The following MSRB3 variants were observed in gnomAD, a reference collection of about 807,000 sequenced individuals.
MSRB3 encodes methionine sulfoxide reductase B3.
In MSRB3, 13 loss-of-function variants were observed where a neutral mutation model predicts 21.0. That is an observed-to-expected ratio of 0.62 (90% CI 0.40 to 0.98). MSRB3 has a LOEUF of 0.98. MSRB3 is among the 50% of genes least tolerant of loss of function. The pLI, the probability that MSRB3 is intolerant of heterozygous loss-of-function variation, is 0.00. For synonymous variants in MSRB3, 87 were observed against 88.6 expected (o/e 0.98, Z 0.10); for missense variants, 199 against 230.3 (o/e 0.86, Z 0.88).
chr12:65,366,513 C>T (rs1878023790), intron 4 of MSRB3, among the ~76,000 whole-genome samples: 1 of 151,936 alleles, frequency 6.6e-6, no homozygotes, highest in African/African-American at 2.4e-5. Flanking sequence ...ATTGGTGGAT[C>T]TAAAGGGAAG....
chr12:65,325,364 G>A (rs1874947692), intron 2 of MSRB3, among the ~76,000 whole-genome samples: 2 of 152,338 alleles, frequency 1.3e-5, no homozygotes, highest in Admixed American at 1.3e-4. Context: ...GCAGGCCAGG[G>A]AAGGGCTGAA....
At chr12:65,434,119 C>CT (rs1482680586) in intron 5 of MSRB3, among the ~76,000 whole-genome samples, 2 of 151,876 alleles carry the variant, frequency 1.3e-5, no homozygotes, top group South Asian at 4.2e-4. Flanking sequence ...TCCATTTTTT[C>CT]TTTTTTTGAA....
intron 5 of MSRB3, among the ~76,000 whole-genome samples, chr12:65,416,161 A>G (rs1402434549): frequency 6.6e-6 from 1 of 152,210 alleles, no homozygotes; most frequent in Non-Finnish European, 1.5e-5. Flanking sequence ...AAGGAAGCCA[A>G]TCCTTTGGTA....
At chr12:65,373,910 G>A (rs558728689) in intron 5 of MSRB3, among the ~76,000 whole-genome samples, 8 of 152,122 alleles carry the variant, frequency 5.3e-5, no homozygotes, top group African/African-American at 1.9e-4. Flanking sequence ...GGAAATCAAA[G>A]AACACAATCA....
At chr12:65,406,541 G>A (rs973468314) in intron 5 of MSRB3, among the ~76,000 whole-genome samples, 2 of 152,158 alleles carry the variant, frequency 1.3e-5, no homozygotes, top group African/African-American at 4.8e-5. Context: ...TCAATGCAAT[G>A]TCTTTCAAAA....
Position 65,355,694 on chromosome 12 carries a change from G to T in MSRB3, c.264-13304G>T, listed in dbSNP as rs374731772. 4.4e-4 allele frequency among the ~76,000 whole-genome samples: 67 copies of T among 151,856 alleles called. No homozygotes were observed. The South Asian group carries it at 0.014, about 32-fold the overall frequency. ...GTCGCATGACTCATAGTCTGCATAA[G>T]CATAAATTAACTCCAGTACCTCTGT... On this transcript the variant is annotated intron_variant, in intron 4 of 6. Coordinates refer to ENST00000308259, the MANE Select transcript of MSRB3 (RefSeq NM_001031679.3).
chr12:65,314,432 A>G (rs762248200), intron 2 of MSRB3, among the ~76,000 whole-genome samples: 2 of 152,132 alleles, frequency 1.3e-5, no homozygotes, highest in Non-Finnish European at 2.9e-5. Context: ...TGTTGATTAA[A>G]TGAGTACTCT....
intron 5 of MSRB3, among the ~76,000 whole-genome samples, chr12:65,383,013 A>G (rs1230946444): frequency 6.6e-6 from 1 of 152,106 alleles, no homozygotes; most frequent in Non-Finnish European, 1.5e-5. Context: ...ATTTTATGCA[A>G]TTTAAGAATT....
chr12:65,310,760 A>T (rs944067059), intron 2 of MSRB3, among the ~76,000 whole-genome samples: 5 of 152,252 alleles, frequency 3.3e-5, no homozygotes, highest in East Asian at 1.9e-4. Context: ...GATAGTTTTT[A>T]AAAAATTAAC....
intron 5 of MSRB3, among the ~76,000 whole-genome samples, chr12:65,425,759 T>C (rs1466478294): frequency 6.6e-6 from 1 of 152,216 alleles, no homozygotes; most frequent in Non-Finnish European, 1.5e-5. Flanking sequence ...TTAACTTTCA[T>C]ACTAAAAATT....
At chr12:65,421,050 C>A (rs764014086) in intron 5 of MSRB3, among the ~76,000 whole-genome samples, 2 of 152,160 alleles carry the variant, frequency 1.3e-5, no homozygotes, top group Non-Finnish European at 2.9e-5. Flanking sequence ...ACACTGCTTT[C>A]CACAATGGTT....
rs557019428 is a variant in MSRB3, at chr12:65,448,637, A to C, written c.293-5091A>C. Among the ~76,000 whole-genome samples the C allele has an allele frequency of 1.0e-3, 157 of 152,300 alleles. 1 individual carries two copies. Among genetic ancestry groups the C allele is most frequent in the African/African-American group, 3.5e-3 (147 of 41,556 alleles). On this transcript the variant is annotated intron_variant, in intron 5 of 6. Coordinates refer to ENST00000308259, the MANE Select transcript of MSRB3 (RefSeq NM_001031679.3). The stretch of plus-strand genomic sequence containing the variant: ...ATATGGTCGCCATTAGCTACTTGTA[A>C]CTGCTGAGAACTTGAAATGTGGCTA...
At chr12:65,403,872 C>A (rs1385103035) in intron 5 of MSRB3, among the ~76,000 whole-genome samples, 2 of 152,152 alleles carry the variant, frequency 1.3e-5, no homozygotes, top group Non-Finnish European at 2.9e-5. Context: ...TTCCCTGACC[C>A]CTTCTGCTTC....
At chr12:65,455,261 AG>A (rs1883036583) in intron 6 of MSRB3, among the ~76,000 whole-genome samples, 1 of 147,088 alleles carries the variant, frequency 6.8e-6, no homozygotes, top group African/African-American at 2.5e-5. Flanking sequence ...AAAAAAAAAA[AG>A]ACTGGCAAGT....
intron 5 of MSRB3, among the ~76,000 whole-genome samples, chr12:65,402,498 T>C (rs1423455600): frequency 2.0e-5 from 3 of 152,232 alleles, no homozygotes; most frequent in Admixed American, 1.3e-4. Flanking sequence ...CTGGTTATTC[T>C]AGTTAGCATT....
chr12:65,323,929 TC>T (rs1372019483), intron 2 of MSRB3, among the ~76,000 whole-genome samples: 1 of 152,204 alleles, frequency 6.6e-6, no homozygotes, highest in Non-Finnish European at 1.5e-5. Context: ...GACCAACTTC[TC>T]ATTGAATTGT....
intron 5 of MSRB3, among the ~76,000 whole-genome samples, chr12:65,422,684 C>A (rs907775955): frequency 6.6e-6 from 1 of 150,898 alleles, no homozygotes; most frequent in African/African-American, 2.4e-5. Flanking sequence ...TCTTTTAATC[C>A]GTGAACATAG....
intron 1 of MSRB3, among the ~76,000 whole-genome samples, chr12:65,299,687 G>A (rs941696804): frequency 1.3e-5 from 2 of 152,188 alleles, no homozygotes; most frequent in Non-Finnish European, 2.9e-5. Flanking sequence ...GGGTCAGTTA[G>A]CGTTTTCCAG....
chr12:65,311,736 C>T (rs955193509), intron 2 of MSRB3, among the ~76,000 whole-genome samples: 1 of 151,974 alleles, frequency 6.6e-6, no homozygotes. Flanking sequence ...GATGTCTGTT[C>T]CCTAACCAGT....
Sources: allele counts gnomAD v4.1 joint callset (sites outside exome capture counted in the v4.1 genomes callset), GRCh38; gene constraint gnomAD v4.1.1; transcripts MANE v1.5; gene names NCBI Gene and HGNC (gene_info 2026-07-23, HGNC 2026-07-21).